The following SF1 variants were observed in gnomAD, a reference collection of about 807,000 sequenced individuals.
The protein encoded by SF1 is branch point-binding protein.
A neutral mutation model predicts 62.5 loss-of-function variants in SF1; 7 were observed. That is an observed-to-expected ratio of 0.11 (90% confidence interval 0.06 to 0.21). The LOEUF is 0.21. Ranked by LOEUF, SF1 falls within the 10% of genes least tolerant of loss-of-function variation. The pLI is 1.00. For synonymous variants in SF1, 394 were observed against 323.6 expected (o/e 1.22, Z -2.33); for missense variants, 578 against 884.0 (o/e 0.65, Z 4.39).
chr11:64,771,750 T>G (rs537523888), intron 3 of SF1: 5 of 985,286 alleles, frequency 5.1e-6, no homozygotes, highest in Admixed American at 6.1e-5. Flanking sequence ...TTAAACATGT[T>G]TTTACTGTGC....
At chr11:64,767,532 C>G in intron 10 of SF1, 39 bp downstream of exon 10, 1 of 1,519,378 alleles carries the variant, frequency 6.6e-7, no homozygotes, top group Admixed American at 2.2e-5. Context: ...CCTTGCTTAT[C>G]CCAAAGCCCC....
chr11:64,772,062 AAC>A (rs1441831405), intron 3 of SF1: 1 of 985,472 alleles, frequency 1.0e-6, no homozygotes, highest in Non-Finnish European at 1.2e-6. Context: ...AAGGCCTCAC[AAC>A]AGTTTAACCT....
chr11:64,765,011 C>T lies in SF1; in HGVS notation c.*807G>A, dbSNP rs1191202874. On this transcript the variant is annotated 3_prime_UTR_variant, in exon 13 of 13. Transcript: ENST00000377390. ...CAGGATCGCCAGGACGGATGGGAAT[C>T]CCGAAACCTGGAGATGAACCTACCC... The T allele has an allele frequency of 6.5e-6, 1 of 153,038 alleles. No individual in the cohort carries two copies. Among genetic ancestry groups the T allele is most frequent in the African/African-American group, 2.4e-5 (1 of 41,460 alleles). The allele number at this position is 153,038 out of a possible 1,614,324, so 9.5% of individuals were successfully genotyped here.
rs2058750278 is a variant in SF1 at position 64,767,338 on chromosome 11, T to C, written c.1343-87A>G. On this transcript the variant is annotated intron_variant, in intron 10 of 12. Transcript: ENST00000377390. Reference sequence around the variant, plus strand: ...CTGTGATAACCTCAGTTGCTATCCTTACGCGAGTTCTGAAAACCATGCCTG... The same window carrying C: ...CTGTGATAACCTCAGTTGCTATCCTCACGCGAGTTCTGAAAACCATGCCTG... The C allele has an allele frequency of 7.5e-6, 10 of 1,340,788 alleles. No individual in the cohort carries two copies. In the South Asian group the frequency reaches 1.2e-4, roughly 16 times the overall value. 83.1% of individuals were successfully genotyped at this position (1,340,788 alleles called of 1,614,324 possible).
intron 1 of SF1, chr11:64,777,731 C>A (rs909300258): frequency 3.0e-6 from 3 of 985,642 alleles, no homozygotes; most frequent in Non-Finnish European, 2.4e-6. Flanking sequence ...TATACAGTTG[C>A]GCCGCACAGC....
At chr11:64,773,152 T>A in intron 3 of SF1, 1 of 1,254,740 alleles carries the variant, frequency 8.0e-7, no homozygotes, top group East Asian at 4.3e-5. Flanking sequence ...CCCCTAAGGG[T>A]GGGTAAATCA....
chr11:64,771,124 G>A (rs959325525), intron 3 of SF1, among the ~76,000 whole-genome samples: 2 of 152,214 alleles, frequency 1.3e-5, no homozygotes, highest in Non-Finnish European at 1.5e-5. Flanking sequence ...GGTCATACTT[G>A]TCTAGGGTCT....
At chr11:64,777,705 T>C in intron 1 of SF1, 4 of 985,494 alleles carry the variant, frequency 4.1e-6, no homozygotes, top group South Asian at 9.4e-5. Context: ...TGGACAGCAA[T>C]AGTGGGCCCC....
intron 10 of SF1, 121 bp from the exon 11 acceptor site, chr11:64,767,372 A>G: frequency 8.9e-7 from 1 of 1,123,668 alleles, no homozygotes; most frequent in South Asian, 1.3e-5. Context: ...TGTAAAAGGC[A>G]GGTCTGTGCT....
intron 3 of SF1, 130 bp downstream of exon 3, chr11:64,773,300 C>T (rs1023309812): frequency 6.8e-7 from 1 of 1,471,810 alleles, no homozygotes; most frequent in African/African-American, 1.5e-5. Flanking sequence ...AAACCTTAAT[C>T]CCCAAAGTGG....
rs1178437553 is a variant in SF1 at position 64,778,458 on chromosome 11, C to T, written c.-66G>A. The T allele has an allele frequency of 1.6e-5, 20 of 1,213,320 alleles. No homozygotes were observed. Among genetic ancestry groups the T allele is most frequent in the East Asian group, 3.3e-5 (1 of 30,236 alleles). The allele number at this position is 1,213,320 out of a possible 1,614,324, so 75.2% of individuals were successfully genotyped here. A position where few individuals can be genotyped will look rare whatever the true frequency, so the allele number is the denominator to read the frequency against. On this transcript the variant is annotated 5_prime_UTR_variant, in exon 1 of 13. Coordinates refer to ENST00000377390, the MANE Select transcript of SF1 (RefSeq NM_004630.4). ...GCGGCGGCTTCTCCTTCGCAAGCCTCCCGGGGGGAGGGGACCCGAATGCGC... is the reference window on the plus strand; with the variant it reads ...GCGGCGGCTTCTCCTTCGCAAGCCTTCCGGGGGGAGGGGACCCGAATGCGC...
intron 3 of SF1, among the ~76,000 whole-genome samples, chr11:64,771,303 A>G (rs1651539225): frequency 6.6e-6 from 1 of 152,214 alleles, no homozygotes; most frequent in Non-Finnish European, 1.5e-5. Context: ...TTGCGGTAAT[A>G]AAAAAGAGAG....
chr11:64,777,980 G>A (rs1229817445), intron 1 of SF1: 12 of 993,764 alleles, frequency 1.2e-5, no homozygotes, highest in African/African-American at 1.8e-5. Flanking sequence ...CTCTCGGCCC[G>A]ACTCACCTCC....
Position 64,768,226 on chromosome 11 carries a change from G to A in SF1, c.948C>T (p.Leu316=), listed in dbSNP as rs750531001. 4 of 1,613,968 alleles carry A rather than the reference G, an allele frequency of 2.5e-6. No individual in the cohort carries two copies. The highest frequency in any genetic ancestry group is 1.1e-5 in the South Asian group (1 of 91,024). Residue 316 remains leucine (L), a synonymous_variant, in exon 9 of 13, where the codon CTC becomes CTT. Transcript: ENST00000377390. ...KARMDKEYLS[L]MAELGEAPVP... Reference sequence around the variant, plus strand: ...CAGGTGCTTCACCCAGTTCAGCCATGAGGGACAAATATTCTTTATCCATCC... The same window carrying A: ...CAGGTGCTTCACCCAGTTCAGCCATAAGGGACAAATATTCTTTATCCATCC...
intron 5 of SF1, 103 bp downstream of exon 5, chr11:64,769,861 A>G (rs1938017302): frequency 1.1e-6 from 1 of 932,112 alleles, no homozygotes; most frequent in Non-Finnish European, 1.7e-6. Context: ...ATGTCCTACC[A>G]AAAAGGGGAA....
At chr11:64,771,640 T>G (rs932391242) in intron 3 of SF1, 2 of 985,330 alleles carry the variant, frequency 2.0e-6, no homozygotes, top group Non-Finnish European at 2.4e-6. Flanking sequence ...TTCTAGCATT[T>G]GTATAAACTG....
intron 3 of SF1, chr11:64,772,011 G>C (rs1182188636): frequency 9.1e-6 from 9 of 985,192 alleles, no homozygotes; most frequent in Non-Finnish European, 9.6e-6. Flanking sequence ...TTCTTAGCTA[G>C]TTACAAAAAC....
In SF1 at chr11:64,778,463, G is replaced by T. The variant is rs1295123120; in HGVS notation, c.-71C>A. The T allele has an allele frequency of 7.4e-6, 9 of 1,213,322 alleles. No individual in the cohort carries two copies. The Admixed American group carries it at 1.3e-4, about 18-fold the overall frequency. 75.2% of individuals were successfully genotyped at this position (1,213,322 alleles called of 1,614,324 possible). A position where few individuals can be genotyped will look rare whatever the true frequency, so the allele number is the denominator to read the frequency against. On this transcript the variant is annotated 5_prime_UTR_variant, in exon 1 of 13. Coordinates refer to ENST00000377390, the MANE Select transcript of SF1 (RefSeq NM_004630.4). ...GGCTTCTCCTTCGCAAGCCTCCCGG[G>T]GGGAGGGGACCCGAATGCGCTGCCG...
intron 1 of SF1, chr11:64,777,914 C>T: frequency 1.1e-6 from 1 of 946,218 alleles, no homozygotes; most frequent in Non-Finnish European, 1.3e-6. Context: ...GCCGCCGTCG[C>T]CGCCGCCGCG....
Sources: gnomAD v4.1 joint callset for allele counts (sites outside exome capture counted in the v4.1 genomes callset) on GRCh38, gnomAD v4.1.1 for gene constraint, MANE v1.5 for transcripts, NCBI Gene and HGNC (gene_info 2026-07-23, HGNC 2026-07-21) for gene names.